The following TFDP2 variants were observed in gnomAD, a reference collection of about 807,000 sequenced individuals.
The protein encoded by TFDP2 is transcription factor Dp-2, also known as transcription factor Dp-2 (E2F dimerization partner 2).
A neutral mutation model predicts 59.3 loss-of-function variants in TFDP2; 17 were observed. The ratio of observed to expected loss-of-function variants is 0.29; its 90% CI spans 0.20 to 0.43. The LOEUF is 0.43. Ranked by LOEUF, TFDP2 falls within the 20% of genes least tolerant of loss-of-function variation. TFDP2 has a pLI of 1.00. For missense variants in TFDP2, 391 were observed against 528.8 expected (o/e 0.74, Z 2.56); for synonymous variants, 180 against 194.7 (o/e 0.92, Z 0.63).
At chr3:141,983,827 T>C (rs927033816) in intron 6 of TFDP2, among the ~76,000 whole-genome samples, 6 of 151,986 alleles carry the variant, frequency 3.9e-5, no homozygotes, top group African/African-American at 1.4e-4. Context: ...TTGGAGAGGA[T>C]GTAGAGAAAC....
At position 142,133,135 on chromosome 3, in the gene TFDP2, G is replaced by A. The variant is rs187914934; in HGVS notation, c.-93+16048C>T. Reference sequence around the variant, plus strand: ...GTAACTAAAACACTGTGGCACAGGTGCATGAATAGACAAATTCATCAAGCT... The same window carrying A: ...GTAACTAAAACACTGTGGCACAGGTACATGAATAGACAAATTCATCAAGCT... On this transcript the variant is annotated intron_variant, in intron 1 of 12. Transcript: ENST00000489671. Among the ~76,000 whole-genome samples, 269 of 150,362 alleles carry A rather than the reference G, an allele frequency of 1.8e-3. 28 individuals are homozygous for A. The highest frequency in any genetic ancestry group is 6.5e-3 in the African/African-American group (258 of 39,850).
intron 4 of TFDP2, among the ~76,000 whole-genome samples, chr3:142,001,065 C>T (rs949548801): frequency 2.0e-5 from 3 of 152,222 alleles, no homozygotes; most frequent in South Asian, 2.1e-4. Context: ...GGAGCAACCC[C>T]GCGCACCTCA....
intron 1 of TFDP2, among the ~76,000 whole-genome samples, chr3:142,103,354 C>T (rs143995256): frequency 6.6e-6 from 1 of 151,962 alleles, no homozygotes; most frequent in African/African-American, 2.4e-5. Context: ...CTGTGAAGAC[C>T]ATTATTTGGG....
At chr3:141,969,568 C>T (rs1939391574) in intron 9 of TFDP2, among the ~76,000 whole-genome samples, 1 of 151,936 alleles carries the variant, frequency 6.6e-6, no homozygotes, top group Non-Finnish European at 1.5e-5. Flanking sequence ...GCCAAGATCG[C>T]ACCACTGCAC....
At position 141,968,937 on chromosome 3, in the gene TFDP2, CAT is replaced by C. The variant is rs1231726644; in HGVS notation, c.732+1134_732+1135del. Among the ~76,000 whole-genome samples the C allele has an allele frequency of 7.5e-5, 7 of 93,564 alleles. 1 individual carries two copies. The South Asian group carries it at 9.4e-4, about 13-fold the overall frequency. The allele number at this position is 93,564 out of a possible 152,430, so 61.4% of individuals were successfully genotyped here. A position where few individuals can be genotyped will look rare whatever the true frequency, so the allele number is the denominator to read the frequency against. Reference sequence around the variant, plus strand: ...AGATATATATAACACATATATATCTCATATATATAGATATATATAACACATAT... The same window carrying C: ...AGATATATATAACACATATATATCTCATATATAGATATATATAACACATAT... On this transcript the variant is annotated intron_variant, in intron 9 of 12. Coordinates refer to ENST00000489671, the MANE Select transcript of TFDP2 (RefSeq NM_001178139.2).
chr3:142,013,548 G>C (rs1393237383), intron 3 of TFDP2, among the ~76,000 whole-genome samples: 1 of 152,176 alleles, frequency 6.6e-6, no homozygotes, highest in Non-Finnish European at 1.5e-5. Context: ...CTGGGACTCA[G>C]TGTATTAAAA....
At chr3:142,066,527 G>A (rs1366872752) in intron 3 of TFDP2, among the ~76,000 whole-genome samples, 3 of 152,134 alleles carry the variant, frequency 2.0e-5, no homozygotes, top group Non-Finnish European at 4.4e-5. Context: ...GTAATTTATT[G>A]AATACTGTAC....
At chr3:142,063,584 T>C (rs2059984917) in intron 3 of TFDP2, among the ~76,000 whole-genome samples, 1 of 152,240 alleles carries the variant, frequency 6.6e-6, no homozygotes. Flanking sequence ...GATAGCTACC[T>C]AGAGGTGGAA....
intron 3 of TFDP2, chr3:142,044,011 A>C (rs6440060): frequency 1.5e-6 from 1 of 685,640 alleles, no homozygotes; most frequent in Non-Finnish European, 2.7e-6. Context: ...TTTTTCCGGC[A>C]TCAAGCCCAG....
intron 3 of TFDP2, among the ~76,000 whole-genome samples, chr3:142,011,528 C>T (rs1432594202): frequency 8.7e-6 from 1 of 114,878 alleles, no homozygotes; most frequent in Non-Finnish European, 1.7e-5. Flanking sequence ...CAGCATGGCA[C>T]ATGTATACAT....
In TFDP2 at chr3:142,121,484, T is replaced by C. The variant is rs893087166; in HGVS notation, c.-92-19643A>G. 2.6e-5 allele frequency among the ~76,000 whole-genome samples: 4 copies of C among 152,140 alleles called. No individual in the cohort carries two copies. Among genetic ancestry groups the C allele is most frequent in the Non-Finnish European group, 5.9e-5 (4 of 68,026 alleles). On this transcript the variant is annotated intron_variant, in intron 1 of 12. Coordinates refer to ENST00000489671, the MANE Select transcript of TFDP2 (RefSeq NM_001178139.2). This position sits in a 1 kb window ranked among gnomAD's most constrained non-coding sequence, Gnocchi z 4.3. ...AGTAATAGAGATAATTAGTTAAAAT[T>C]ACAGAATTAAGAACTATGAGATGAA...
intron 1 of TFDP2, among the ~76,000 whole-genome samples, chr3:142,109,766 T>C (rs1027221451): frequency 5.3e-5 from 8 of 152,284 alleles, no homozygotes; most frequent in Admixed American, 4.6e-4. Flanking sequence ...CAGAAAAAAA[T>C]AGTACGCAAG....
intron 3 of TFDP2, among the ~76,000 whole-genome samples, chr3:142,089,288 G>A (rs1442040902): frequency 2.7e-5 from 4 of 149,206 alleles, no homozygotes; most frequent in Admixed American, 6.7e-5. Flanking sequence ...AAAATGCAAC[G>A]TCTGAAAAAA....
intron 1 of TFDP2, among the ~76,000 whole-genome samples, chr3:142,135,399 C>CT (rs1450572851): frequency 6.6e-6 from 1 of 151,958 alleles, no homozygotes; most frequent in Non-Finnish European, 1.5e-5. Flanking sequence ...TGTTTAATTT[C>CT]TTTTTTCTTT....
chr3:142,030,313 C>T (rs1298833403), intron 3 of TFDP2, among the ~76,000 whole-genome samples: 2 of 152,182 alleles, frequency 1.3e-5, no homozygotes, highest in Non-Finnish European at 2.9e-5. Flanking sequence ...TCTGTTTTCA[C>T]TACTGGATGT....
At chr3:142,011,445 TGGGGGGA>T (rs1944673899) in intron 3 of TFDP2, among the ~76,000 whole-genome samples, 1 of 67,514 alleles carries the variant, frequency 1.5e-5, no homozygotes, top group Non-Finnish European at 2.8e-5. Flanking sequence ...TGTGGTGGGG[TGGGGGGA>T]GGGGGGAGGG....
At chr3:141,997,489 C>A (rs1049748265) in intron 4 of TFDP2, among the ~76,000 whole-genome samples, 1 of 151,982 alleles carries the variant, frequency 6.6e-6, no homozygotes, top group Non-Finnish European at 1.5e-5. Flanking sequence ...TGTATTACTA[C>A]TGCAGTATTT....
At chr3:142,023,122 C>CAA (rs765096570) in intron 3 of TFDP2, among the ~76,000 whole-genome samples, 606 of 59,310 alleles carry the variant, frequency 0.01, 8 homozygotes, top group African/African-American at 0.023. Flanking sequence ...CCCTCCGTCT[C>CAA]AAAAAAAAAA....
At chr3:142,119,887 A>G (rs898883495) in intron 1 of TFDP2, among the ~76,000 whole-genome samples, 2 of 151,690 alleles carry the variant, frequency 1.3e-5, no homozygotes, top group Admixed American at 6.6e-5. Context: ...TGTCTCTACT[A>G]AAAATACAAA....
Sources: allele counts gnomAD v4.1 joint callset (sites outside exome capture counted in the v4.1 genomes callset), GRCh38; gene constraint gnomAD v4.1.1; non-coding constraint Gnocchi (gnomAD v3.1); transcripts MANE v1.5; gene names NCBI Gene and HGNC (gene_info 2026-07-23, HGNC 2026-07-21).